The following CIT variants were observed in gnomAD, a reference collection of about 807,000 sequenced individuals.
CIT encodes citron rho-interacting serine/threonine kinase.
CIT carries 79 observed loss-of-function variants against 272.7 expected under a neutral mutation model. The ratio of observed to expected loss-of-function variants is 0.29; its 90% CI spans 0.24 to 0.35. The LOEUF is 0.35. Ranked by LOEUF, CIT falls within the 10% of genes least tolerant of loss-of-function variation. CIT has a pLI of 1.00. For synonymous variants in CIT, 948 were observed against 995.6 expected, an observed-to-expected ratio of 0.95 and a Z score of 0.90; for missense variants, 1,909 against 2,618.3, an observed-to-expected ratio of 0.73 and a Z score of 5.91.
chr12:119,774,894 A>G (rs1963586408), intron 16 of CIT, among the ~76,000 whole-genome samples: 1 of 152,134 alleles, frequency 6.6e-6, no homozygotes, highest in African/African-American at 2.4e-5. Flanking sequence ...GGATCACCTG[A>G]GCGTGTGAAG....
chr12:119,697,790 G>A lies in CIT; in HGVS notation c.5751C>T (p.Gly1917=). ...AAATCGCTCCTGAGGAAATGGCAGG[G>A]CCCAGGTAGCGCGGGTTCGGGATGT... ...YLDIPNPRYL[G]PAISSGAIYL... is the part of the protein sequence containing the mutation. Residue 1917 remains glycine, a synonymous_variant, in exon 46 of 48, where the codon GGC becomes GGT. Transcript: ENST00000392521. This position sits in a 1 kb window ranked among gnomAD's most constrained non-coding sequence, Gnocchi z 4.9. The A allele has an allele frequency of 6.2e-7, 1 of 1,614,156 alleles. No homozygotes were observed. The highest frequency in any genetic ancestry group is 8.5e-7 in the Non-Finnish European group (1 of 1,180,028).
rs140614337 is a variant in CIT, at chr12:119,714,217, C to T, written c.4286G>A (p.Arg1429His). Reference sequence around the variant, plus strand: ...CTTACCGAGACATTTGGATGCCTGGCGTCCAAAGTGCACGGTATCCAGACA... The same window carrying T: ...CTTACCGAGACATTTGGATGCCTGGTGTCCAAAGTGCACGGTATCCAGACA... ...AVCLDTVHFGRQASKCLECQV... is the reference protein window; with the variant it reads ...AVCLDTVHFGHQASKCLECQV... The change falls in exon 33 of 48, where the codon CGC (arginine) becomes CAC (histidine). Residue 1429 changes from arginine (R) to histidine (H), a missense_variant. This residue lies in a region of CIT where 780 missense variants were observed against 1,067.2 expected (regional missense o/e 0.73). Coordinates refer to ENST00000392521, the MANE Select transcript of CIT (RefSeq NM_001206999.2). The T allele has an allele frequency of 2.1e-5, 34 of 1,613,980 alleles. No homozygotes were observed. Among genetic ancestry groups the T allele is most frequent in the African/African-American group, 2.7e-5 (2 of 74,906 alleles).
intron 5 of CIT, among the ~76,000 whole-genome samples, chr12:119,836,566 G>T (rs556618259): frequency 1.3e-5 from 2 of 152,092 alleles, no homozygotes; most frequent in South Asian, 2.1e-4. Flanking sequence ...TCCAAAAAAA[G>T]AAAAAGGAAA....
intron 16 of CIT, among the ~76,000 whole-genome samples, 158 bp from the exon 17 acceptor site, chr12:119,773,068 T>C (rs1963353247): frequency 1.4e-5 from 2 of 147,526 alleles, no homozygotes; most frequent in Admixed American, 1.4e-4. Flanking sequence ...AAGCAGGTAA[T>C]ACTGAATTTA....
rs777108668 is a variant in CIT, at chr12:119,803,355, G to A, written c.1146C>T (p.Asp382=). The A allele has an allele frequency of 1.4e-5, 22 of 1,599,156 alleles. No individual in the cohort carries two copies. The highest frequency in any genetic ancestry group is 2.7e-5 in the African/African-American group (2 of 73,554). The change falls in exon 10 of 48, where the codon GAC becomes GAT. Residue 382 remains aspartate, a synonymous_variant. Coordinates refer to ENST00000392521, the MANE Select transcript of CIT (RefSeq NM_001206999.2). ...GTTCATCAAAATTGGAGGTGTCATC[G>A]TCAGACTTGAGGGTGGGAACGAAGG... ...PPPFVPTLKS[D]DDTSNFDEPE...
intron 24 of CIT, among the ~76,000 whole-genome samples, chr12:119,737,083 TAAACATGAGG>T (rs1263373789): frequency 6.6e-6 from 1 of 151,926 alleles, no homozygotes; most frequent in Non-Finnish European, 1.5e-5. Context: ...ATGCATCATG[TAAACATGAGG>T]TCAGGAGATC....
intron 19 of CIT, among the ~76,000 whole-genome samples, chr12:119,763,749 A>C (rs532526906): frequency 6.6e-6 from 1 of 152,328 alleles, no homozygotes; most frequent in Admixed American, 6.5e-5. Flanking sequence ...GACAATATTC[A>C]AGATATAATA....
chr12:119,748,505 T>C (rs1360149308), intron 23 of CIT, among the ~76,000 whole-genome samples: 1 of 152,188 alleles, frequency 6.6e-6, no homozygotes, highest in Non-Finnish European at 1.5e-5. Flanking sequence ...ACCCACCCCC[T>C]TTCAGGGTGA....
intron 23 of CIT, among the ~76,000 whole-genome samples, chr12:119,749,643 G>A (rs763040645): frequency 3.9e-5 from 6 of 152,210 alleles, no homozygotes; most frequent in Non-Finnish European, 8.8e-5. Context: ...ATCATTTGAA[G>A]AAGCCCTGTT....
At chr12:119,698,278 G>C in intron 44 of CIT, 3 of 580,192 alleles carry the variant, frequency 5.2e-6, no homozygotes, top group South Asian at 4.0e-5. Context: ...GTACAGTGTA[G>C]GGATTGGCTA....
At position 119,712,551 on chromosome 12, in the gene CIT, G is replaced by A. The variant is rs376624506; in HGVS notation, c.4684+40C>T. 21 of 1,579,996 alleles carry A rather than the reference G, an allele frequency of 1.3e-5. No homozygotes were observed. The highest frequency in any genetic ancestry group is 1.7e-4 in the Middle Eastern group (1 of 5,854). On this transcript the variant is annotated intron_variant, in intron 36 of 47. Coordinates refer to ENST00000392521, the MANE Select transcript of CIT (RefSeq NM_001206999.2). The surrounding 1 kb of genome is among the most constrained non-coding windows in gnomAD (Gnocchi z 5.2). ...CTGTCCCTGCTGATTGGCCAAGCCC[G>A]GCCCACCTCCAGGGCGGGGCTCCTC...
chr12:119,759,595 G>A (rs1345211650), intron 20 of CIT, among the ~76,000 whole-genome samples: 3 of 152,004 alleles, frequency 2.0e-5, no homozygotes, highest in South Asian at 4.2e-4. Context: ...GCAGTGAGCC[G>A]ATATTGCGCC....
intron 4 of CIT, among the ~76,000 whole-genome samples, chr12:119,851,847 G>A (rs908127746): frequency 1.1e-4 from 17 of 152,130 alleles, no homozygotes; most frequent in African/African-American, 4.1e-4. Flanking sequence ...GACCAGCCTG[G>A]ACAACACAGT....
chr12:119,728,790 T>A lies in CIT; in HGVS notation c.3487-184A>T, dbSNP rs1447522440. ...GGTGAGTCTTCCATAGGTTATTATA[T>A]GAGGATGGAAATTATTTCTAAGGGA... is the stretch of plus-strand genomic sequence containing the variant. On this transcript the variant is annotated intron_variant, in intron 27 of 47. Coordinates refer to ENST00000392521, the MANE Select transcript of CIT (RefSeq NM_001206999.2). The surrounding 1 kb of genome is among the most constrained non-coding windows in gnomAD (Gnocchi z 4.3). Among the ~76,000 whole-genome samples, 44 of 152,244 alleles carry A rather than the reference T, an allele frequency of 2.9e-4. 2 individuals carry two copies. The highest frequency in any genetic ancestry group is 2.9e-5 in the Non-Finnish European group (2 of 68,042).
chr12:119,818,010 T>TAGTA (rs1967361456), intron 9 of CIT, among the ~76,000 whole-genome samples: 1 of 152,154 alleles, frequency 6.6e-6, no homozygotes, highest in Non-Finnish European at 1.5e-5. Flanking sequence ...TTATTTGCCA[T>TAGTA]CATCACAAAT....
At chr12:119,828,598 T>C (rs897814754) in intron 7 of CIT, among the ~76,000 whole-genome samples, 10 of 152,004 alleles carry the variant, frequency 6.6e-5, no homozygotes, top group Non-Finnish European at 1.0e-4. Context: ...AAGACTGCTC[T>C]GTCGCCCAGG....
chr12:119,772,997 G>C, intron 16 of CIT, 87 bp from the exon 17 acceptor site: 2 of 822,418 alleles, frequency 2.4e-6, no homozygotes, highest in Non-Finnish European at 3.3e-6. Context: ...ATGTATCCCA[G>C]AACTTAAAGT....
Position 119,713,420 on chromosome 12 carries a change from T to C in CIT, c.4487+48A>G. On this transcript the variant is annotated intron_variant, in intron 34 of 47. Transcript: ENST00000392521. This position sits in a 1 kb window ranked among gnomAD's most constrained non-coding sequence, Gnocchi z 5.2. Reference sequence around the variant, plus strand: ...TCCCTAGAAAACATCAGGGACAGAGTGGCTTGTGCCAGCACCTGCTCCAGC... The same window carrying C: ...TCCCTAGAAAACATCAGGGACAGAGCGGCTTGTGCCAGCACCTGCTCCAGC... 6.2e-7 allele frequency: 1 copy of C among 1,600,730 alleles called. No individual in the cohort carries two copies. The highest frequency in any genetic ancestry group is 8.5e-7 in the Non-Finnish European group (1 of 1,171,444).
In CIT at chr12:119,720,736, G is replaced by A. The variant is rs3213626; in HGVS notation, c.3733-151C>T. ...ACTGAGTCAGTATGTATTTAGTCCAGTTTTACTGCAAAAGAGAAAAAAGAT... is the reference window on the plus strand; with the variant it reads ...ACTGAGTCAGTATGTATTTAGTCCAATTTTACTGCAAAAGAGAAAAAAGAT... On this transcript the variant is annotated intron_variant, in intron 29 of 47. Transcript: ENST00000392521. 0.56 allele frequency: 276,437 copies of A among 491,148 alleles called. 79,499 individuals carry two copies. The highest frequency in any genetic ancestry group is 0.67 in the African/African-American group (33,295 of 49,342). The allele number at this position is 491,148 out of a possible 1,614,324, so 30.4% of individuals were successfully genotyped here. A position where few individuals can be genotyped will look rare whatever the true frequency, so the allele number is the denominator to read the frequency against.
Sources: allele counts gnomAD v4.1 joint callset (sites outside exome capture counted in the v4.1 genomes callset), GRCh38; gene constraint gnomAD v4.1.1; regional missense constraint gnomAD v4.1.1; non-coding constraint Gnocchi (gnomAD v3.1); transcripts MANE v1.5; gene names NCBI Gene and HGNC (gene_info 2026-07-23, HGNC 2026-07-21).